Variants in ATOX1 observed in about 807,000 individuals in gnomAD.
ATOX1 encodes copper transport protein ATOX1.
In ATOX1, 4 loss-of-function variants were observed where a neutral mutation model predicts 7.3. The observed-to-expected ratio is 0.55, with a 90% CI of 0.27 to 1.25. The LOEUF is 1.25. Ranked by LOEUF, ATOX1 falls within the 50% of genes most tolerant of loss-of-function variation. The pLI is 0.12. For synonymous variants in ATOX1, 25 were observed against 28.7 expected, an observed-to-expected ratio of 0.87 and a Z score of 0.41; for missense variants, 68 against 81.6, an observed-to-expected ratio of 0.83 and a Z score of 0.64.
chr5:151,756,815 C>T (rs1762024428), intron 1 of ATOX1, among the ~76,000 whole-genome samples: 1 of 152,242 alleles, frequency 6.6e-6, no homozygotes, highest in African/African-American at 2.4e-5. Context: ...TACGTCTACA[C>T]AGGAGCTACC....
chr5:151,752,703 T>A (rs1761967485), intron 1 of ATOX1, among the ~76,000 whole-genome samples: 1 of 152,198 alleles, frequency 6.6e-6, no homozygotes, highest in Non-Finnish European at 1.5e-5. Flanking sequence ...CCATCTGAAA[T>A]CAGATAAATA....
intron 1 of ATOX1, chr5:151,753,955 C>T (rs997539482): frequency 3.3e-5 from 5 of 152,332 alleles, no homozygotes; most frequent in Admixed American, 3.3e-4. Context: ...GACTGTTTGA[C>T]CTTTGTGACT....
chr5:151,755,377 TCA>T (rs2113186893), intron 1 of ATOX1, among the ~76,000 whole-genome samples: 1 of 152,340 alleles, frequency 6.6e-6, no homozygotes, highest in Non-Finnish European at 1.5e-5. Context: ...TCCCAAGAGT[TCA>T]CTAGGTAGCT....
chr5:151,750,640 CTTTCTTTT>C (rs1761937831), intron 2 of ATOX1, among the ~76,000 whole-genome samples: 1 of 103,048 alleles, frequency 9.7e-6, no homozygotes, highest in Non-Finnish European at 2.0e-5. Context: ...TCCTTTTTTT[CTTTCTTTT>C]TTTTTTTTTT....
intron 2 of ATOX1, among the ~76,000 whole-genome samples, chr5:151,750,749 C>T (rs563321207): frequency 6.6e-4 from 98 of 148,744 alleles, no homozygotes; most frequent in Admixed American, 1.6e-3. Context: ...CAGGCTCAAG[C>T]GATCTTCCCA....
intron 2 of ATOX1, 61 bp from the exon 3 acceptor site, chr5:151,746,510 G>A (rs1358149882): frequency 1.2e-6 from 2 of 1,602,982 alleles, no homozygotes; most frequent in African/African-American, 2.7e-5. Flanking sequence ...GTTACAGCAA[G>A]AAAGAGTTCA....
At chr5:151,745,129 C>T (rs1761865720) in intron 3 of ATOX1, 1 of 152,198 alleles carries the variant, frequency 6.6e-6, no homozygotes, top group South Asian at 2.1e-4. Flanking sequence ...GATGTTACCA[C>T]ATACACAGAA....
intron 2 of ATOX1, 70 bp from the exon 3 acceptor site, chr5:151,746,519 C>A: frequency 1.9e-6 from 3 of 1,595,030 alleles, no homozygotes; most frequent in Non-Finnish European, 1.7e-6. Flanking sequence ...AGAAAGAGTT[C>A]AGGCTCTAAA....
rs760480392 is a variant in ATOX1 at position 151,758,563 on chromosome 5, C to CGGCGGTGTGGA, written c.-13_-12insTCCACACCGCC. ...CCACTCACCGGCATGACTGAGGCAG[C>CGGCGGTGTGGA]GGCGGTGTGGCGGCGGTGTGGCGGC... On this transcript the variant is annotated 5_prime_UTR_variant, in exon 1 of 4. Coordinates refer to ENST00000313115, the MANE Select transcript of ATOX1 (RefSeq NM_004045.4). 1 of 1,421,356 alleles carries CGGCGGTGTGGA rather than the reference C, an allele frequency of 7.0e-7. No homozygotes were observed. Among genetic ancestry groups the CGGCGGTGTGGA allele is most frequent in the Non-Finnish European group, 9.2e-7 (1 of 1,081,322 alleles). The allele number at this position is 1,421,356 out of a possible 1,614,324, so 88.0% of individuals were successfully genotyped here.
rs145240336 is a variant in ATOX1 at position 151,753,555 on chromosome 5, T to C, written c.7-1776A>G. 1.8e-4 allele frequency among the ~76,000 whole-genome samples: 27 copies of C among 152,350 alleles called. No homozygotes were observed. In the East Asian group the frequency reaches 5.0e-3, roughly 28 times the overall value. On this transcript the variant is annotated intron_variant, in intron 1 of 3. Transcript: ENST00000313115. ...AAGTCTATTACCTCAGTTGGAATCCTGGGTGTAGTGATATATCTTGCTAGA... is the reference window on the plus strand; with the variant it reads ...AAGTCTATTACCTCAGTTGGAATCCCGGGTGTAGTGATATATCTTGCTAGA...
chr5:151,747,478 G>A (rs939164752), intron 2 of ATOX1, among the ~76,000 whole-genome samples: 3 of 151,704 alleles, frequency 2.0e-5, no homozygotes, highest in Non-Finnish European at 4.4e-5. Context: ...TAGAGACAGG[G>A]TTTCGCATAT....
intron 2 of ATOX1, among the ~76,000 whole-genome samples, chr5:151,750,224 G>A (rs1428866851): frequency 6.6e-6 from 1 of 152,142 alleles, no homozygotes; most frequent in Non-Finnish European, 1.5e-5. Context: ...AAAATGACAA[G>A]GCTGGATGAG....
At chr5:151,749,197 A>G (rs1761913132) in intron 2 of ATOX1, among the ~76,000 whole-genome samples, 2 of 152,054 alleles carry the variant, frequency 1.3e-5, no homozygotes, top group South Asian at 4.1e-4. Context: ...TTTTTAAAGC[A>G]TCAACAGGCT....
chr5:151,747,068 ACT>A (rs1491167009), intron 2 of ATOX1, among the ~76,000 whole-genome samples: 6 of 123,150 alleles, frequency 4.9e-5, no homozygotes, highest in Non-Finnish European at 8.6e-5. Context: ...TAATATAGAC[ACT>A]TTTTTTTTTT....
chr5:151,754,541 A>G (rs1761988576), intron 1 of ATOX1, among the ~76,000 whole-genome samples: 1 of 152,020 alleles, frequency 6.6e-6, no homozygotes, highest in African/African-American at 2.4e-5. Context: ...TAAACCCAGG[A>G]GTTTGAGACT....
rs754941129 is a variant in ATOX1, at chr5:151,747,234, T to A, written c.83-785A>T. Reference sequence around the variant, plus strand: ...ATAATTCCTCCAAATCGCATCACACTATATAAACAGGTCTTGCTAATATTT... The same window carrying A: ...ATAATTCCTCCAAATCGCATCACACAATATAAACAGGTCTTGCTAATATTT... On this transcript the variant is annotated intron_variant, in intron 2 of 3. Coordinates refer to ENST00000313115, the MANE Select transcript of ATOX1 (RefSeq NM_004045.4). Among the ~76,000 whole-genome samples, 137 of 152,280 alleles carry A rather than the reference T, an allele frequency of 9.0e-4. 1 individual carries two copies. Among genetic ancestry groups the A allele is most frequent in the Non-Finnish European group, 1.8e-3 (120 of 68,020 alleles).
At chr5:151,750,644 C>CTTTTTTTTTTTTTTT (rs34586233) in intron 2 of ATOX1, among the ~76,000 whole-genome samples, 5 of 100,350 alleles carry the variant, frequency 5.0e-5, no homozygotes, top group African/African-American at 1.1e-4. Flanking sequence ...TTTTTTCTTT[C>CTTTTTTTTTTTTTTT]TTTTTTTTTT....
intron 2 of ATOX1, among the ~76,000 whole-genome samples, chr5:151,750,804 T>A (rs148917612): frequency 2.0e-5 from 3 of 151,696 alleles, no homozygotes; most frequent in Non-Finnish European, 4.4e-5. Flanking sequence ...TGTAACACCA[T>A]GCCTGGCTAA....
chr5:151,754,980 CAAA>C (rs79359321), intron 1 of ATOX1, among the ~76,000 whole-genome samples: 1 of 48,888 alleles, frequency 2.0e-5, no homozygotes. Context: ...AGACACCGTC[CAAA>C]AAAAAAAAAA....
Sources: gnomAD v4.1 joint callset for allele counts (sites outside exome capture counted in the v4.1 genomes callset) on GRCh38, gnomAD v4.1.1 for gene constraint, MANE v1.5 for transcripts, NCBI Gene and HGNC (gene_info 2026-07-23, HGNC 2026-07-21) for gene names.